Variants in PCDH9 observed in about 807,000 individuals in gnomAD.
The protein encoded by PCDH9 is protocadherin-9.
Under a neutral mutation model 70.6 loss-of-function variants are expected in PCDH9, and 24 were observed. That is an observed-to-expected ratio of 0.34 (90% CI 0.25 to 0.48). The LOEUF is 0.48. PCDH9 is among the 20% of genes least tolerant of loss of function. PCDH9 has a pLI of 0.99. For missense variants in PCDH9, 1,281 were observed against 1,503.6 expected (o/e 0.85, Z 2.45); for synonymous variants, 562 against 558.5 (o/e 1.01, Z -0.09).
At chr13:67,068,772 A>T (rs2085701606) in intron 2 of PCDH9, among the ~76,000 whole-genome samples, 1 of 152,196 alleles carries the variant, frequency 6.6e-6, no homozygotes, top group Admixed American at 6.6e-5. Flanking sequence ...CACATTTAAC[A>T]CATCAACTAT....
chr13:66,760,273 G>A (rs2079603280), intron 3 of PCDH9, among the ~76,000 whole-genome samples: 1 of 151,918 alleles, frequency 6.6e-6, no homozygotes, highest in Non-Finnish European at 1.5e-5. Flanking sequence ...CTGCCTTCAG[G>A]ACCCTATATT....
At chr13:66,309,657 T>C (rs1955528830) in intron 4 of PCDH9, among the ~76,000 whole-genome samples, 1 of 151,926 alleles carries the variant, frequency 6.6e-6, no homozygotes, top group African/African-American at 2.4e-5. Flanking sequence ...GATATATTTT[T>C]ATTATTACTA....
At chr13:66,813,958 C>G (rs942618387) in intron 3 of PCDH9, among the ~76,000 whole-genome samples, 3 of 152,096 alleles carry the variant, frequency 2.0e-5, no homozygotes, top group African/African-American at 7.2e-5. Context: ...AAGAGTACAG[C>G]AAATGACACA....
intron 3 of PCDH9, among the ~76,000 whole-genome samples, chr13:66,678,534 T>C (rs17081646): frequency 0.1 from 15,219 of 152,104 alleles, 880 homozygotes; most frequent in Middle Eastern, 0.13. Flanking sequence ...ATACCTATTT[T>C]ACAGAATTGG....
At chr13:66,574,494 G>T (rs1034960159) in intron 4 of PCDH9, among the ~76,000 whole-genome samples, 2 of 152,148 alleles carry the variant, frequency 1.3e-5, no homozygotes, top group African/African-American at 4.8e-5. Context: ...TTAAAATGGA[G>T]TGCATGTTCC....
At position 66,502,607 on chromosome 13, in the gene PCDH9, A is replaced by T. The variant is rs1466513960; in HGVS notation, c.3340+128603T>A. On this transcript the variant is annotated intron_variant, in intron 4 of 4. Coordinates refer to ENST00000377865, the MANE Select transcript of PCDH9 (RefSeq NM_203487.3). Reference sequence around the variant, plus strand: ...TTGTAAAAGGATGTGAAGGCTACAGAAGTACACGCTACTGAAGAATGTCTA... The same window carrying T: ...TTGTAAAAGGATGTGAAGGCTACAGTAGTACACGCTACTGAAGAATGTCTA... Among the ~76,000 whole-genome samples the T allele has an allele frequency of 3.3e-5, 5 of 151,544 alleles. No individual in the cohort carries two copies. In the East Asian group the frequency reaches 9.8e-4, roughly 30 times the overall value.
At chr13:66,695,857 G>A (rs1406765144) in intron 3 of PCDH9, among the ~76,000 whole-genome samples, 1 of 152,046 alleles carries the variant, frequency 6.6e-6, no homozygotes, top group African/African-American at 2.4e-5. Flanking sequence ...TCCTATATTA[G>A]CATGGCTATT....
chr13:66,496,430 C>T (rs1054356490), intron 4 of PCDH9, among the ~76,000 whole-genome samples: 1 of 152,148 alleles, frequency 6.6e-6, no homozygotes, highest in Non-Finnish European at 1.5e-5. Context: ...TCTTGCACTA[C>T]CACATTCATT....
At chr13:67,125,722 T>G (rs1218599253) in intron 2 of PCDH9, among the ~76,000 whole-genome samples, 1 of 152,176 alleles carries the variant, frequency 6.6e-6, no homozygotes, top group East Asian at 1.9e-4. Flanking sequence ...AATGTACTTG[T>G]CTTTCCCATA....
intron 3 of PCDH9, among the ~76,000 whole-genome samples, chr13:66,821,503 T>C (rs1374156605): frequency 6.6e-6 from 1 of 152,178 alleles, no homozygotes; most frequent in Non-Finnish European, 1.5e-5. Context: ...ACATATCTCC[T>C]ACCAAGTACT....
At chr13:66,383,998 A>G (rs1956887994) in intron 4 of PCDH9, among the ~76,000 whole-genome samples, 1 of 152,152 alleles carries the variant, frequency 6.6e-6, no homozygotes, top group Admixed American at 6.5e-5. Context: ...CACTGTATTT[A>G]AGTAGAAATA....
chr13:66,619,228 T>C (rs187856221), intron 4 of PCDH9, among the ~76,000 whole-genome samples: 1 of 152,210 alleles, frequency 6.6e-6, no homozygotes, highest in Non-Finnish European at 1.5e-5. Flanking sequence ...AAAGTTAATA[T>C]TGAAGAATTC....
intron 2 of PCDH9, among the ~76,000 whole-genome samples, chr13:67,180,100 T>C (rs1425106420): frequency 2.6e-5 from 4 of 152,168 alleles, no homozygotes; most frequent in African/African-American, 9.7e-5. Context: ...TTGATTGCCT[T>C]GGAAGGTAGA....
At position 66,522,144 on chromosome 13, in the gene PCDH9, A is replaced by T. The variant is rs555811801; in HGVS notation, c.3340+109066T>A. Among the ~76,000 whole-genome samples the T allele has an allele frequency of 7.9e-4, 119 of 151,146 alleles. No individual in the cohort carries two copies. The East Asian group carries it at 0.022, about 28-fold the overall frequency. ...TATACTTTAAAAATTACCTAAGGAA[A>T]TTTTTTTAAAAAAATACCAATGTAG... On this transcript the variant is annotated intron_variant, in intron 4 of 4. Transcript: ENST00000377865.
At chr13:66,936,231 G>T (rs1389864014) in intron 2 of PCDH9, among the ~76,000 whole-genome samples, 2 of 152,230 alleles carry the variant, frequency 1.3e-5, no homozygotes, top group African/African-American at 4.8e-5. Flanking sequence ...GTCTCATTTG[G>T]AATATTTTTT....
intron 4 of PCDH9, among the ~76,000 whole-genome samples, chr13:66,329,665 T>C (rs772353021): frequency 6.6e-6 from 1 of 152,192 alleles, no homozygotes; most frequent in Non-Finnish European, 1.5e-5. Context: ...TTTTTAACCC[T>C]TGTCAACCAA....
intron 4 of PCDH9, among the ~76,000 whole-genome samples, chr13:66,530,240 CAGG>C (rs1960393505): frequency 6.6e-6 from 1 of 152,024 alleles, no homozygotes; most frequent in Non-Finnish European, 1.5e-5. Context: ...ACTGTCACAG[CAGG>C]AGAAGATATG....
intron 2 of PCDH9, among the ~76,000 whole-genome samples, chr13:66,940,056 T>C (rs1396345608): frequency 6.6e-6 from 1 of 152,232 alleles, no homozygotes; most frequent in Non-Finnish European, 1.5e-5. Flanking sequence ...AGGTGGAGAA[T>C]AAGAATGCTT....
chr13:66,378,330 A>G (rs1212225761), intron 4 of PCDH9, among the ~76,000 whole-genome samples: 1 of 152,150 alleles, frequency 6.6e-6, no homozygotes, highest in African/African-American at 2.4e-5. Context: ...TACAGTTGTT[A>G]GCTCCTTAAC....
Sources: gnomAD v4.1 joint callset for allele counts (sites outside exome capture counted in the v4.1 genomes callset) on GRCh38, gnomAD v4.1.1 for gene constraint, MANE v1.5 for transcripts, NCBI Gene and HGNC (gene_info 2026-07-23, HGNC 2026-07-21) for gene names.